The following COL13A1 variants were observed in gnomAD, a reference collection of about 807,000 sequenced individuals.
The protein encoded by COL13A1 is collagen alpha-1(XIII) chain.
Under a neutral mutation model 130.9 loss-of-function variants are expected in COL13A1, and 89 were observed. The observed-to-expected ratio is 0.68, with a 90% CI of 0.57 to 0.81. The LOEUF (loss-of-function observed/expected upper bound fraction) is 0.81. Among genes scored for constraint, COL13A1 ranks in the 30% least tolerant of loss-of-function variants. The pLI is 0.00. For synonymous variants in COL13A1, 402 were observed against 341.6 expected (o/e 1.18, Z -1.95); for missense variants, 879 against 934.6 (o/e 0.94, Z 0.78).
chr10:69,936,901 G>C (rs1180608552), intron 33 of COL13A1, 119 bp downstream of exon 33: 2 of 1,147,290 alleles, frequency 1.7e-6, no homozygotes, highest in African/African-American at 3.1e-5. Context: ...AGCCAAGGGG[G>C]TCCAGTCAGG....
intron 17 of COL13A1, 44 bp from the exon 18 acceptor site, chr10:69,917,245 C>A (rs758320492): frequency 5.8e-5 from 94 of 1,611,298 alleles, no homozygotes; most frequent in Non-Finnish European, 7.8e-5. Context: ...CTGACAGGCC[C>A]CGAGTCTGGT....
intron 40 of COL13A1, among the ~76,000 whole-genome samples, 170 bp downstream of exon 40, chr10:69,957,212 C>G (rs1247346536): frequency 6.6e-6 from 1 of 152,238 alleles, no homozygotes; most frequent in Non-Finnish European, 1.5e-5. Flanking sequence ...ATGCTGTTAA[C>G]AAACATTTTA....
intron 2 of COL13A1, among the ~76,000 whole-genome samples, chr10:69,844,474 C>T (rs1345649661): frequency 6.6e-6 from 1 of 152,216 alleles, no homozygotes; most frequent in African/African-American, 2.4e-5. Context: ...CCATCGCAAA[C>T]ATAAGGTGGT....
At chr10:69,881,571 G>A (rs7893249) in intron 7 of COL13A1, among the ~76,000 whole-genome samples, 1 of 152,200 alleles carries the variant, frequency 6.6e-6, no homozygotes, top group Non-Finnish European at 1.5e-5. Flanking sequence ...GGAGCTGAAA[G>A]GTAGAGCCAG....
chr10:69,897,132 C>A (rs1187020238), intron 13 of COL13A1, among the ~76,000 whole-genome samples: 3 of 152,132 alleles, frequency 2.0e-5, no homozygotes, highest in Non-Finnish European at 2.9e-5. Context: ...TGCAGTGAAG[C>A]CTGACCTCAT....
At chr10:69,805,864 G>A (rs1181891281) in intron 1 of COL13A1, among the ~76,000 whole-genome samples, 3 of 152,222 alleles carry the variant, frequency 2.0e-5, no homozygotes, top group Non-Finnish European at 4.4e-5. Flanking sequence ...AGACAAGAGA[G>A]GGGAAATGGT....
intron 16 of COL13A1, 108 bp from the exon 17 acceptor site, chr10:69,905,679 A>G: frequency 7.9e-7 from 1 of 1,260,950 alleles, no homozygotes; most frequent in Non-Finnish European, 1.1e-6. Flanking sequence ...GGGGCAGTGG[A>G]ACTTGGAGTC....
chr10:69,810,370 G>GACAC (rs796187123), intron 1 of COL13A1, among the ~76,000 whole-genome samples: 1 of 96,188 alleles, frequency 1.0e-5, no homozygotes, highest in African/African-American at 3.8e-5. Context: ...GAGAGAGAGA[G>GACAC]AGAGAGAGAG....
chr10:69,930,210 T>TG (rs59283631), intron 29 of COL13A1, 123 bp downstream of exon 29: 539 of 991,890 alleles, frequency 5.4e-4, no homozygotes, highest in African/African-American at 4.2e-3. Flanking sequence ...GAAGGGGAGA[T>TG]GGGGGGGGGC....
intron 2 of COL13A1, 64 bp downstream of exon 2, chr10:69,822,502 G>A: frequency 7.7e-7 from 1 of 1,295,886 alleles, no homozygotes; most frequent in Non-Finnish European, 1.0e-6. Context: ...GGCTCTTCCT[G>A]GTGGCCATGC....
At chr10:69,836,935 G>T (rs1432775785) in intron 2 of COL13A1, among the ~76,000 whole-genome samples, 1 of 151,292 alleles carries the variant, frequency 6.6e-6, no homozygotes, top group African/African-American at 2.4e-5. Context: ...CTGTCACGGG[G>T]TGACCTGGCA....
chr10:69,836,386 G>A (rs899153652), intron 2 of COL13A1, among the ~76,000 whole-genome samples: 1 of 152,238 alleles, frequency 6.6e-6, no homozygotes, highest in South Asian at 2.1e-4. Flanking sequence ...GGTGGCTTGT[G>A]CAGCTGGCAT....
intron 23 of COL13A1, among the ~76,000 whole-genome samples, chr10:69,923,142 A>G (rs2064902524): frequency 6.6e-6 from 1 of 152,204 alleles, no homozygotes; most frequent in South Asian, 2.1e-4. Context: ...CTTGATGGCC[A>G]TGCTGTAACT....
chr10:69,862,217 AG>A (rs1418796674), intron 2 of COL13A1, among the ~76,000 whole-genome samples: 1 of 152,222 alleles, frequency 6.6e-6, no homozygotes, highest in African/African-American at 2.4e-5. Context: ...GCACTAGACC[AG>A]GATTCAGGAT....
chr10:69,816,844 G>A (rs1308882460), intron 1 of COL13A1, among the ~76,000 whole-genome samples: 1 of 152,200 alleles, frequency 6.6e-6, no homozygotes, highest in African/African-American at 2.4e-5. Context: ...AGTAGGGGAA[G>A]AGCCAGGTAG....
At chr10:69,937,561 G>C (rs905291442) in intron 33 of COL13A1, 74 bp from the exon 34 acceptor site, 2 of 755,596 alleles carry the variant, frequency 2.6e-6, no homozygotes, top group Non-Finnish European at 4.7e-6. Flanking sequence ...CCAGCCTCCA[G>C]GACCCCAGAA....
intron 2 of COL13A1, among the ~76,000 whole-genome samples, chr10:69,865,836 G>A (rs879397418): frequency 4.6e-5 from 7 of 152,170 alleles, no homozygotes; most frequent in Non-Finnish European, 1.0e-4. Flanking sequence ...TGGGGGGTAG[G>A]TTGCTTTCTG....
At chr10:69,847,030 C>T (rs979965723) in intron 2 of COL13A1, among the ~76,000 whole-genome samples, 1 of 152,250 alleles carries the variant, frequency 6.6e-6, no homozygotes, top group African/African-American at 2.4e-5. Flanking sequence ...GAGGGACACT[C>T]TTTCTTGACC....
intron 2 of COL13A1, among the ~76,000 whole-genome samples, chr10:69,839,541 G>C (rs936599738): frequency 6.6e-6 from 1 of 152,216 alleles, no homozygotes. Context: ...TGAATGACAA[G>C]GGGAGCCCAC....
Sources: allele counts gnomAD v4.1 joint callset (sites outside exome capture counted in the v4.1 genomes callset), GRCh38; gene constraint gnomAD v4.1.1; transcripts MANE v1.5; gene names NCBI Gene and HGNC (gene_info 2026-07-23, HGNC 2026-07-21).